CBLB: variants seen among roughly 807,000 people sequenced by gnomAD.
The protein encoded by CBLB is Cbl proto-oncogene B, also known as E3 ubiquitin-protein ligase CBL-B.
CBLB carries 31 observed loss-of-function variants against 104.9 expected under a neutral mutation model. The ratio of observed to expected loss-of-function variants is 0.30; its 90% CI spans 0.22 to 0.40. The LOEUF (loss-of-function observed/expected upper bound fraction) is 0.40, where lower values mean the gene tolerates loss of function less well. CBLB is among the 10% of genes least tolerant of loss of function. CBLB has a pLI of 1.00. For missense variants in CBLB, 1,062 were observed against 1,214.6 expected, an observed-to-expected ratio of 0.87 and a Z score of 1.87; for synonymous variants, 440 against 422.6, an observed-to-expected ratio of 1.04 and a Z score of -0.51.
intron 12 of CBLB, among the ~76,000 whole-genome samples, chr3:105,698,061 T>G (rs1421010504): frequency 6.6e-6 from 1 of 152,026 alleles, no homozygotes; most frequent in Admixed American, 6.6e-5. Flanking sequence ...TGCTATAGGA[T>G]AGAAATCTCT....
intron 17 of CBLB, among the ~76,000 whole-genome samples, chr3:105,677,421 A>C (rs2065790934): frequency 6.6e-6 from 1 of 152,044 alleles, no homozygotes; most frequent in Non-Finnish European, 1.5e-5. Flanking sequence ...GAAGCTGATA[A>C]GGGAATCAGT....
chr3:105,687,021 T>C (rs2152742106), intron 13 of CBLB, among the ~76,000 whole-genome samples: 1 of 152,206 alleles, frequency 6.6e-6, no homozygotes. Flanking sequence ...GGGAGAGACT[T>C]ATAATATTAC....
In CBLB at chr3:105,677,669, A is replaced by AT. The variant is rs575063858; in HGVS notation, c.2569+761dup. ...TTAGTATCAGCAGATTCCATATAACATTTTTTTTTCTTTTTCCTGATAATT... is the reference window on the plus strand; with the variant it reads ...TTAGTATCAGCAGATTCCATATAACATTTTTTTTTTCTTTTTCCTGATAATT... On this transcript the variant is annotated intron_variant, in intron 17 of 18. Transcript: ENST00000394030. 1.2e-3 allele frequency among the ~76,000 whole-genome samples: 178 copies of AT among 150,586 alleles called. 2 individuals are homozygous for AT. In the East Asian group the frequency reaches 0.028, roughly 24 times the overall value.
At chr3:105,864,380 T>G (rs984955898) in intron 2 of CBLB, among the ~76,000 whole-genome samples, 1 of 152,196 alleles carries the variant, frequency 6.6e-6, no homozygotes, top group African/African-American at 2.4e-5. Context: ...AGAAACCTTG[T>G]CTCTTGAGTA....
chr3:105,824,209 C>T (rs1024692787), intron 3 of CBLB: 8 of 152,236 alleles, frequency 5.3e-5, no homozygotes. Flanking sequence ...TGCAGTCCTG[C>T]TCACTCTTCA....
chr3:105,717,835 A>G (rs1314383967), intron 10 of CBLB, among the ~76,000 whole-genome samples: 1 of 152,218 alleles, frequency 6.6e-6, no homozygotes, highest in Non-Finnish European at 1.5e-5. Context: ...TGTATTACAT[A>G]GTATTATTAA....
Position 105,678,471 on chromosome 3 carries a change from G to A in CBLB, c.2529C>T (p.Ser843=), listed in dbSNP as rs766658555. ...AAAGATCCTGTCCTGAGGATGGCCG[G>A]CTACTGGAGCCAGGAGGTTTTGAAT... ...IEHSKPPGSS[S]RPSSGQDLFL... is the part of the protein sequence containing the mutation. The change falls in exon 17 of 19, where the codon AGC becomes AGT. Residue 843 remains serine (S), a synonymous_variant. Coordinates refer to ENST00000394030, the MANE Select transcript of CBLB (RefSeq NM_170662.5). 1.2e-6 allele frequency: 2 copies of A among 1,613,892 alleles called. No individual in the cohort carries two copies. The highest frequency in any genetic ancestry group is 1.7e-5 in the Admixed American group (1 of 59,994).
intron 12 of CBLB, among the ~76,000 whole-genome samples, chr3:105,701,429 C>T (rs551303736): frequency 1.3e-5 from 2 of 152,116 alleles, no homozygotes; most frequent in Non-Finnish European, 2.9e-5. Context: ...TATAGTAACA[C>T]AACTTGTAAA....
intron 17 of CBLB, chr3:105,672,963 T>C (rs1404488774): frequency 6.6e-6 from 1 of 151,308 alleles, no homozygotes; most frequent in Non-Finnish European, 1.5e-5. Flanking sequence ...TTTACATAAA[T>C]GTGAACTTAC....
At chr3:105,723,549 A>G (rs2073178825) in intron 9 of CBLB, among the ~76,000 whole-genome samples, 1 of 152,200 alleles carries the variant, frequency 6.6e-6, no homozygotes, top group African/African-American at 2.4e-5. Context: ...ACTGTAAGTC[A>G]GTGACATTAC....
At position 105,702,478 on chromosome 3, in the gene CBLB, A is replaced by AAAC; in HGVS notation, c.1594-20_1594-19insGTT. 1 of 1,232,886 alleles carries AAAC rather than the reference A, an allele frequency of 8.1e-7. No homozygotes were observed. Among genetic ancestry groups the AAAC allele is most frequent in the African/African-American group, 2.1e-5 (1 of 47,078 alleles). The allele number at this position is 1,232,886 out of a possible 1,614,324, so 76.4% of individuals were successfully genotyped here. A position where few individuals can be genotyped will look rare whatever the true frequency, so the allele number is the denominator to read the frequency against. Reference sequence around the variant, plus strand: ...GAGAAGACTAAAGAAACAGAAGAGAAAAAAAAAAAAAAAAAAAAAAACTAA... The same window carrying AAAC: ...GAGAAGACTAAAGAAACAGAAGAGAAAACAAAAAAAAAAAAAAAAAAAAACTAA... On this transcript the variant is annotated intron_variant, in intron 11 of 18. Transcript: ENST00000394030.
At position 105,658,678 on chromosome 3, in the gene CBLB, C is replaced by A; in HGVS notation, c.*292G>T. 1 of 450,524 alleles carries A rather than the reference C, an allele frequency of 2.2e-6. No homozygotes were observed. Among genetic ancestry groups the A allele is most frequent in the Non-Finnish European group, 4.0e-6 (1 of 250,296 alleles). 27.9% of individuals were successfully genotyped at this position (450,524 alleles called of 1,614,324 possible). A position where few individuals can be genotyped will look rare whatever the true frequency, so the allele number is the denominator to read the frequency against. On this transcript the variant is annotated 3_prime_UTR_variant, in exon 19 of 19. Coordinates refer to ENST00000394030, the MANE Select transcript of CBLB (RefSeq NM_170662.5). ...AACTGCAACTTTGCCAAACTGTAAA[C>A]AAGGTAAAGCATTTCACAGGTTCAA...
intron 11 of CBLB, 111 bp from the exon 12 acceptor site, chr3:105,702,570 C>G (rs532207575): frequency 8.5e-7 from 1 of 1,179,296 alleles, no homozygotes; most frequent in Admixed American, 2.8e-5. Flanking sequence ...CTAAGCCAAA[C>G]AAGGAGTTTT....
chr3:105,767,846 A>C (rs1434507616), intron 4 of CBLB, among the ~76,000 whole-genome samples: 2 of 152,146 alleles, frequency 1.3e-5, no homozygotes, highest in Non-Finnish European at 2.9e-5. Context: ...AACCAACTAG[A>C]TTCCCCAAAG....
intron 10 of CBLB, among the ~76,000 whole-genome samples, chr3:105,712,509 T>C (rs538567129): frequency 2.6e-5 from 4 of 152,194 alleles, no homozygotes; most frequent in Non-Finnish European, 5.9e-5. Context: ...AATGCTTTCA[T>C]GTGAAAACCC....
chr3:105,808,726 T>C (rs2083851820), intron 3 of CBLB, among the ~76,000 whole-genome samples: 1 of 152,224 alleles, frequency 6.6e-6, no homozygotes, highest in South Asian at 2.1e-4. Flanking sequence ...ATAGGTATTA[T>C]TCATTGCATA....
intron 4 of CBLB, among the ~76,000 whole-genome samples, chr3:105,774,554 A>G (rs2079235104): frequency 6.6e-6 from 1 of 152,218 alleles, no homozygotes; most frequent in Admixed American, 6.5e-5. Context: ...ACAAAAGTGA[A>G]AAGACTTGGG....
chr3:105,663,906 G>GAA (rs60125170), intron 18 of CBLB, among the ~76,000 whole-genome samples: 1,598 of 142,918 alleles, frequency 0.011, 37 homozygotes, highest in East Asian at 0.05. Context: ...AGCTTATTAG[G>GAA]AAAAAAAAAA....
intron 9 of CBLB, among the ~76,000 whole-genome samples, chr3:105,733,697 C>G (rs773867494): frequency 6.6e-6 from 1 of 152,184 alleles, no homozygotes; most frequent in Non-Finnish European, 1.5e-5. Flanking sequence ...CTACTACAAA[C>G]AGATTCTGAC....
Sources: allele counts gnomAD v4.1 joint callset (sites outside exome capture counted in the v4.1 genomes callset), GRCh38; gene constraint gnomAD v4.1.1; transcripts MANE v1.5; gene names NCBI Gene and HGNC (gene_info 2026-07-23, HGNC 2026-07-21).